The following ACTN2 variants were observed in gnomAD, a reference collection of about 807,000 sequenced individuals.
The protein encoded by ACTN2 is alpha-actinin-2.
In ACTN2, 39 loss-of-function variants were observed where a neutral mutation model predicts 113.8. The ratio of observed to expected loss-of-function variants is 0.34; its 90% confidence interval spans 0.27 to 0.45. The LOEUF (loss-of-function observed/expected upper bound fraction) is 0.45. Among genes scored for constraint, ACTN2 ranks in the 20% least tolerant of loss-of-function variants. The probability of loss-of-function intolerance (pLI) is 1.00; values close to 1 mark genes in which losing one functional copy is unlikely to be tolerated. For synonymous variants in ACTN2, 429 were observed against 444.1 expected (o/e 0.97, Z 0.43); for missense variants, 992 against 1,177.9 (o/e 0.84, Z 2.31).
Position 236,737,105 on chromosome 1 carries a change from C to T in ACTN2, c.784-17C>T, listed in dbSNP as rs767029700. ...CCCGTCGACAGAGCCGTCCTGTTTA[C>T]CTATTGTGTTTTACAGGCCGAGACA... On this transcript the variant is annotated splice_polypyrimidine_tract_variant and intron_variant, in intron 8 of 20. Transcript: ENST00000366578. 6.3e-7 allele frequency: 1 copy of T among 1,590,866 alleles called. No individual in the cohort carries two copies. Among genetic ancestry groups the T allele is most frequent in the Admixed American group, 1.7e-5 (1 of 59,292 alleles).
intron 4 of ACTN2, among the ~76,000 whole-genome samples, chr1:236,721,247 C>T (rs1372232975): frequency 2.0e-5 from 3 of 151,442 alleles, no homozygotes; most frequent in Non-Finnish European, 2.9e-5. Flanking sequence ...AGGATGGTCT[C>T]GATCTCCTGA....
At chr1:236,755,685 A>G (rs1053620670) in intron 17 of ACTN2, among the ~76,000 whole-genome samples, 1 of 147,414 alleles carries the variant, frequency 6.8e-6, no homozygotes, top group Non-Finnish European at 1.5e-5. Context: ...TAGAGTATAT[A>G]CTGCAGAGGG....
At chr1:236,701,409 T>C (rs1483542861) in intron 1 of ACTN2, among the ~76,000 whole-genome samples, 1 of 152,218 alleles carries the variant, frequency 6.6e-6, no homozygotes, top group Non-Finnish European at 1.5e-5. Flanking sequence ...CTAGTAATTC[T>C]GAATCTTTTA....
chr1:236,739,397 G>T lies in ACTN2; in HGVS notation c.972G>T (p.Arg324=). The change falls in exon 10 of 21, where the codon CGG becomes CGT. Residue 324 remains arginine (R), a synonymous_variant. Transcript: ENST00000366578. ...TGCAGAAGAAGCTGGAGGACTTCCG[G>T]GATTACCGCCGGAAGCACAAGCCAC... ...QAMQKKLEDF[R]DYRRKHKPPK... is the part of the protein sequence containing the mutation. 2 of 1,614,020 alleles carry T rather than the reference G, an allele frequency of 1.2e-6. No homozygotes were observed. The highest frequency in any genetic ancestry group is 1.7e-6 in the Non-Finnish European group (2 of 1,180,026).
chr1:236,761,011 C>G lies in ACTN2; in HGVS notation c.2368-4C>G. 1 of 1,614,150 alleles carries G rather than the reference C, an allele frequency of 6.2e-7. No homozygotes were observed. The highest frequency in any genetic ancestry group is 8.5e-7 in the Non-Finnish European group (1 of 1,180,020). Reference sequence around the variant, plus strand: ...GTACATGTTTCTTTGCCACTTTGCCCCAGGGTGAAGCCGAATTTGCCCGCA... The same window carrying G: ...GTACATGTTTCTTTGCCACTTTGCCGCAGGGTGAAGCCGAATTTGCCCGCA... On this transcript the variant is annotated splice_polypyrimidine_tract_variant and splice_region_variant and intron_variant, in intron 19 of 20. Coordinates refer to ENST00000366578, the MANE Select transcript of ACTN2 (RefSeq NM_001103.4).
chr1:236,727,480 C>T (rs1054095631), intron 5 of ACTN2, among the ~76,000 whole-genome samples, 198 bp from the exon 6 acceptor site: 15 of 151,916 alleles, frequency 9.9e-5, no homozygotes, highest in African/African-American at 2.7e-4. Context: ...GCAAGGAAGT[C>T]AAAAGGAGAG....
At chr1:236,758,636 T>A (rs1659619864) in intron 18 of ACTN2, among the ~76,000 whole-genome samples, 1 of 136,548 alleles carries the variant, frequency 7.3e-6, no homozygotes, top group South Asian at 2.2e-4. Context: ...GTTCTGTTTT[T>A]GAGATGGAGT....
intron 1 of ACTN2, among the ~76,000 whole-genome samples, chr1:236,698,327 ATGTTT>A (rs1261027181): frequency 1.3e-5 from 2 of 152,088 alleles, no homozygotes; most frequent in African/African-American, 4.8e-5. Context: ...TCTCATTTAG[ATGTTT>A]TGTTTTAAGG....
intron 13 of ACTN2, among the ~76,000 whole-genome samples, chr1:236,748,512 G>C (rs1227779807): frequency 6.6e-6 from 1 of 152,168 alleles, no homozygotes; most frequent in Non-Finnish European, 1.5e-5. Flanking sequence ...AAGCTACGGA[G>C]ATGCCTTCCC....
At chr1:236,728,692 A>T (rs1195242816) in intron 6 of ACTN2, among the ~76,000 whole-genome samples, 1 of 151,434 alleles carries the variant, frequency 6.6e-6, no homozygotes, top group Non-Finnish European at 1.5e-5. Context: ...GTAAAGGTTT[A>T]GTGTGTTTAA....
rs772909106 is a variant in ACTN2 at position 236,754,026 on chromosome 1, G to A, written c.1919G>A (p.Arg640His). The change falls in exon 16 of 21, where the codon CGC becomes CAC. Residue 640 changes from arginine (R) to histidine (H), a missense_variant. Around this residue, in one of 3 missense-constraint regions of ACTN2, gnomAD observed 736 missense variants for 815.4 expected, o/e 0.90. Coordinates refer to ENST00000366578, the MANE Select transcript of ACTN2 (RefSeq NM_001103.4). This position sits in a 1 kb window ranked among gnomAD's most constrained non-coding sequence, Gnocchi z 4.9. ...ARQHANERLR[R>H]QFAAQANAIG... ...CAGCATGCTAACGAGCGTCTGAGGC[G>A]CCAGTTTGCTGCCCAAGCCAATGCC... The A allele has an allele frequency of 3.2e-5, 52 of 1,613,970 alleles. No homozygotes were observed. The highest frequency in any genetic ancestry group is 4.5e-5 in the East Asian group (2 of 44,882).
intron 8 of ACTN2, among the ~76,000 whole-genome samples, chr1:236,736,043 A>C (rs4659708): frequency 0.46 from 70,132 of 152,192 alleles, 19,189 homozygotes; most frequent in Non-Finnish European, 0.61. Context: ...TAAAGGGGGA[A>C]TGTGGCAAGG....
At chr1:236,735,879 CT>C (rs1298977059) in intron 8 of ACTN2, among the ~76,000 whole-genome samples, 159 bp downstream of exon 8, 3 of 152,014 alleles carry the variant, frequency 2.0e-5, no homozygotes, top group Non-Finnish European at 2.9e-5. Flanking sequence ...ACTGTGAAAA[CT>C]TTTTTTTAAC....
chr1:236,730,688 T>G (rs1176024408), intron 6 of ACTN2, among the ~76,000 whole-genome samples: 2 of 152,330 alleles, frequency 1.3e-5, no homozygotes, highest in East Asian at 3.9e-4. Flanking sequence ...AAAATTTTTT[T>G]CATGAATTCA....
chr1:236,758,335 G>T (rs1659608530), intron 18 of ACTN2, among the ~76,000 whole-genome samples: 1 of 149,002 alleles, frequency 6.7e-6, no homozygotes, highest in South Asian at 2.1e-4. Flanking sequence ...CACCAGGCTG[G>T]AGTGCAGTGG....
chr1:236,728,390 G>A (rs540006478), intron 6 of ACTN2, among the ~76,000 whole-genome samples: 20 of 152,272 alleles, frequency 1.3e-4, no homozygotes, highest in Middle Eastern at 3.4e-3. Context: ...TGATCCGCCC[G>A]CCTCAGCCTC....
chr1:236,740,778 A>C (rs991623614), intron 10 of ACTN2, among the ~76,000 whole-genome samples: 1 of 150,376 alleles, frequency 6.6e-6, no homozygotes, highest in East Asian at 2.0e-4. Flanking sequence ...TGATCCACCC[A>C]CCTCGGCCTC....
At chr1:236,740,606 C>T (rs1300865647) in intron 10 of ACTN2, among the ~76,000 whole-genome samples, 3 of 151,828 alleles carry the variant, frequency 2.0e-5, no homozygotes, top group Non-Finnish European at 4.4e-5. Context: ...GATCTCGGCT[C>T]ACTGCAACCT....
chr1:236,691,901 G>A (rs1048092029), intron 1 of ACTN2, among the ~76,000 whole-genome samples: 4 of 152,240 alleles, frequency 2.6e-5, no homozygotes, highest in African/African-American at 9.6e-5. Context: ...TGCTAAAGAT[G>A]CATATTCAAA....
Sources: gnomAD v4.1 joint callset for allele counts (sites outside exome capture counted in the v4.1 genomes callset) on GRCh38, gnomAD v4.1.1 for gene constraint, gnomAD v4.1.1 regional missense constraint, Gnocchi (gnomAD v3.1) non-coding constraint, MANE v1.5 for transcripts, NCBI Gene and HGNC (gene_info 2026-07-23, HGNC 2026-07-21) for gene names.